SLC9A5: variants seen among roughly 807,000 people sequenced by gnomAD.
The protein encoded by SLC9A5 is solute carrier family 9 member A5.
SLC9A5 carries 52 observed loss-of-function variants against 91.7 expected under a neutral mutation model. That is an observed-to-expected ratio of 0.57 (90% CI 0.45 to 0.71). SLC9A5 has a LOEUF of 0.71. Among genes scored for constraint, SLC9A5 ranks in the 30% least tolerant of loss-of-function variants. The pLI, the probability that SLC9A5 is intolerant of heterozygous loss-of-function variation, is 0.00. For missense variants in SLC9A5, 871 were observed against 1,158.9 expected (o/e 0.75, Z 3.61); for synonymous variants, 419 against 474.5 (o/e 0.88, Z 1.52).
intron 12 of SLC9A5, among the ~76,000 whole-genome samples, chr16:67,260,368 A>AG (rs1247781652): frequency 6.6e-6 from 1 of 150,862 alleles, no homozygotes; most frequent in East Asian, 1.9e-4. Flanking sequence ...AAAAAAAAAA[A>AG]AAAAAAAAAG....
In SLC9A5 at chr16:67,255,396, CT is replaced by C; in HGVS notation, c.659del (p.Leu220ArgfsTer22). On this transcript the variant is annotated frameshift_variant, in exon 4 of 16. Transcript: ENST00000299798. LOFTEE classifies it high-confidence loss of function. This position sits in a 1 kb window ranked among gnomAD's most constrained non-coding sequence, Gnocchi z 4.9. Reference protein sequence around the residue: ...SLLNDAVTVVLYKVCNSFVEM... With the variant: ...SLLNDAVTVVXYKVCNSFVEM... ...TGACTCTCCTCTTCTCGCTCAGGTG[CT>C]GTACAAGGTCTGCAACTCCTTTGTG... 1 of 1,612,288 alleles carries C rather than the reference CT, an allele frequency of 6.2e-7. No homozygotes were observed. Among genetic ancestry groups the C allele is most frequent in the Non-Finnish European group, 8.5e-7 (1 of 1,178,520 alleles).
In SLC9A5 at chr16:67,256,805, A is replaced by T; in HGVS notation, c.1133-106A>T. On this transcript the variant is annotated intron_variant, in intron 6 of 15. Coordinates refer to ENST00000299798, the MANE Select transcript of SLC9A5 (RefSeq NM_004594.3). The surrounding 1 kb of genome is among the most constrained non-coding windows in gnomAD (Gnocchi z 4.1). ...ATTCCTAAGCCTCCTCTTGTTGCTC[A>T]CCTGTCCCAGCCCCTGTTAGACCTC... 1.5e-6 allele frequency: 2 copies of T among 1,365,194 alleles called. No homozygotes were observed. Among genetic ancestry groups the T allele is most frequent in the South Asian group, 2.4e-5 (2 of 82,834 alleles). The allele number at this position is 1,365,194 out of a possible 1,614,324, so 84.6% of individuals were successfully genotyped here. A position where few individuals can be genotyped will look rare whatever the true frequency, so the allele number is the denominator to read the frequency against.
chr16:67,252,670 A>C lies in SLC9A5; in HGVS notation c.316A>C (p.Thr106Pro). The C allele has an allele frequency of 6.2e-7, 1 of 1,614,206 alleles. No homozygotes were observed. The highest frequency in any genetic ancestry group is 8.5e-7 in the Non-Finnish European group (1 of 1,180,028). Residue 106 changes from threonine (T) to proline (P), a missense_variant, in exon 2 of 16, where the codon ACC becomes CCC. Physicochemically the swap from Thr to Pro is conservative, Grantham distance 38. This residue lies in a region of SLC9A5 where 454 missense variants were observed against 718.3 expected (regional missense o/e 0.63). Coordinates refer to ENST00000299798, the MANE Select transcript of SLC9A5 (RefSeq NM_004594.3). This position sits in a 1 kb window ranked among gnomAD's most constrained non-coding sequence, Gnocchi z 4.0. ...KKAEYQLEPGTFFLFLLPPIV... is the reference protein window; with the variant it reads ...KKAEYQLEPGPFFLFLLPPIV... ...AGCTGAGTACCAGCTGGAGCCAGGCACCTTCTTCCTCTTCCTGCTGCCTCC... is the reference window on the plus strand; with the variant it reads ...AGCTGAGTACCAGCTGGAGCCAGGCCCCTTCTTCCTCTTCCTGCTGCCTCC...
intron 1 of SLC9A5, among the ~76,000 whole-genome samples, chr16:67,249,911 T>G (rs2035047463): frequency 6.6e-6 from 1 of 152,226 alleles, no homozygotes; most frequent in Non-Finnish European, 1.5e-5. Context: ...CAGACTTCTT[T>G]TTCCCTGAAT....
At position 67,256,681 on chromosome 16, in the gene SLC9A5, G is replaced by A. The variant is rs2035330907; in HGVS notation, c.1124G>A (p.Arg375Gln). 1.2e-6 allele frequency: 2 copies of A among 1,612,038 alleles called. No homozygotes were observed. Among genetic ancestry groups the A allele is most frequent in the Non-Finnish European group, 1.7e-6 (2 of 1,179,446 alleles). Residue 375 changes from arginine (R) to glutamine (Q), a missense_variant, in exon 6 of 16, where the codon CGA becomes CAA. Around this residue, in one of 3 missense-constraint regions of SLC9A5, gnomAD observed 454 missense variants for 718.3 expected, o/e 0.63. Transcript: ENST00000299798. The surrounding 1 kb of genome is among the most constrained non-coding windows in gnomAD (Gnocchi z 4.1). ...LGTLIFILFF[R>Q]ALGVVLQTWV... ...ACCCTCATCTTCATCCTGTTCTTCCGAGCCCTCGGTATTGCTGGCACCCTC... is the reference window on the plus strand; with the variant it reads ...ACCCTCATCTTCATCCTGTTCTTCCAAGCCCTCGGTATTGCTGGCACCCTC...
intron 1 of SLC9A5, among the ~76,000 whole-genome samples, chr16:67,250,632 C>T (rs2035079686): frequency 6.6e-6 from 1 of 152,158 alleles, no homozygotes; most frequent in African/African-American, 2.4e-5. Context: ...CAAAGAAAAT[C>T]CTCGAACAAG....
chr16:67,266,759 T>C (rs1363176460), intron 15 of SLC9A5, among the ~76,000 whole-genome samples: 1 of 152,008 alleles, frequency 6.6e-6, no homozygotes, highest in Admixed American at 6.6e-5. Context: ...CAGGCTGGTC[T>C]TGAACTCCTG....
At position 67,256,520 on chromosome 16, in the gene SLC9A5, C is replaced by T; in HGVS notation, c.963C>T (p.Ser321=). 1 of 1,613,768 alleles carries T rather than the reference C, an allele frequency of 6.2e-7. No individual in the cohort carries two copies. The part of the protein sequence containing the change: ...GCKKYVEANI[S]HKSRTTVKYT... ...AGAAGTACGTGGAGGCCAACATCTC[C>T]CATAAGTCACGCACAACTGTCAAAT... The change falls in exon 6 of 16, where the codon TCC becomes TCT. Residue 321 remains serine (S), a synonymous_variant. Transcript: ENST00000299798. This position sits in a 1 kb window ranked among gnomAD's most constrained non-coding sequence, Gnocchi z 4.1.
At position 67,255,303 on chromosome 16, in the gene SLC9A5, G is replaced by A; in HGVS notation, c.655-90G>A. 2 of 1,525,398 alleles carry A rather than the reference G, an allele frequency of 1.3e-6. No individual in the cohort carries two copies. The highest frequency in any genetic ancestry group is 1.2e-5 in the South Asian group (1 of 84,760). 94.5% of individuals were successfully genotyped at this position (1,525,398 alleles called of 1,614,324 possible). On this transcript the variant is annotated intron_variant, in intron 3 of 15. Coordinates refer to ENST00000299798, the MANE Select transcript of SLC9A5 (RefSeq NM_004594.3). This position sits in a 1 kb window ranked among gnomAD's most constrained non-coding sequence, Gnocchi z 4.9. ...CCCCTGGGGCAGAAATATGCTGTCT[G>A]CTTTCACCCTGCTCTCCCAGCAGTC...
At chr16:67,262,548 G>T (rs2035565818) in intron 12 of SLC9A5, 1 of 298,744 alleles carries the variant, frequency 3.3e-6, no homozygotes, top group Non-Finnish European at 6.7e-6. Flanking sequence ...TCTGTAGTCT[G>T]GAGTGGGACT....
In SLC9A5 at chr16:67,249,162, G is replaced by A; in HGVS notation, c.148G>A (p.Val50Met). The A allele has an allele frequency of 6.4e-7, 1 of 1,565,056 alleles. No homozygotes were observed. The highest frequency in any genetic ancestry group is 8.6e-7 in the Non-Finnish European group (1 of 1,161,490). The change falls in exon 1 of 16, where the codon GTG (valine) becomes ATG (methionine). Residue 50 changes from valine to methionine, a missense_variant. Coordinates refer to ENST00000299798, the MANE Select transcript of SLC9A5 (RefSeq NM_004594.3). Reference sequence around the variant, plus strand: ...GCACGAGGTGGAGGCGCCCTACCTGGTGGCCCTGTGGATCCTGGTGGCCAG... The same window carrying A: ...GCACGAGGTGGAGGCGCCCTACCTGATGGCCCTGTGGATCCTGGTGGCCAG... ...QWHEVEAPYL[V>M]ALWILVASLA...
Position 67,252,337 on chromosome 16 carries a change from G to C in SLC9A5, c.188-205G>C, listed in dbSNP as rs1301273636. The stretch of plus-strand genomic sequence containing the variant: ...ATGGTGGCGCGTGTCTGTAGTCCCC[G>C]TACTCAGGAGGCTGAGGCAGGAGAA... On this transcript the variant is annotated intron_variant, in intron 1 of 15. Coordinates refer to ENST00000299798, the MANE Select transcript of SLC9A5 (RefSeq NM_004594.3). The surrounding 1 kb of genome is among the most constrained non-coding windows in gnomAD (Gnocchi z 4.0). Among the ~76,000 whole-genome samples, 1 of 151,860 alleles carries C rather than the reference G, an allele frequency of 6.6e-6. No individual in the cohort carries two copies. The highest frequency in any genetic ancestry group is 1.5e-5 in the Non-Finnish European group (1 of 67,970).
rs1364439097 is a variant in SLC9A5 at position 67,266,139 on chromosome 16, G to A, written c.2132G>A (p.Ser711Asn). The A allele has an allele frequency of 1.9e-6, 3 of 1,611,774 alleles. No homozygotes were observed. The highest frequency in any genetic ancestry group is 1.1e-5 in the South Asian group (1 of 90,624). ...ESEEEEEESD[S>N]SETEKEDDEG... ...GAGGAGGAGGAGGAGGAGAGCGACA[G>A]TTCAGAGACAGAGAAGGAGGACGAT... The change falls in exon 15 of 16, where the codon AGT (serine) becomes AAT (asparagine). Residue 711 changes from serine to asparagine, a missense_variant. This residue lies in a region of SLC9A5 where 295 missense variants were observed against 326.0 expected (regional missense o/e 0.90). Transcript: ENST00000299798.
At chr16:67,264,289 C>T (rs2035625517) in intron 12 of SLC9A5, 63 bp from the exon 13 acceptor site, 1 of 1,480,498 alleles carries the variant, frequency 6.8e-7, no homozygotes, top group Non-Finnish European at 9.4e-7. Context: ...GGGCTGTGGC[C>T]TGGGGTTCTT....
rs1294421919 is a variant in SLC9A5 at position 67,272,028 on chromosome 16, A to G, written c.*818A>G. 6.6e-6 allele frequency: 1 copy of G among 152,230 alleles called. No homozygotes were observed. Among genetic ancestry groups the G allele is most frequent in the Admixed American group, 6.5e-5 (1 of 15,278 alleles). 9.4% of individuals were successfully genotyped at this position (152,230 alleles called of 1,614,324 possible). On this transcript the variant is annotated 3_prime_UTR_variant, in exon 16 of 16. Transcript: ENST00000299798. ...GTCACCACCTGAACATTCCCCAAAC[A>G]GAGAAGGAACCCAGCATCTCAGGGC... is the stretch of plus-strand genomic sequence containing the variant.
Position 67,252,667 on chromosome 16 carries a change from G to A in SLC9A5, c.313G>A (p.Gly105Ser), listed in dbSNP as rs2035173441. ...AKKAEYQLEP[G>S]TFFLFLLPPI... ...GAAAGCTGAGTACCAGCTGGAGCCA[G>A]GCACCTTCTTCCTCTTCCTGCTGCC... The change falls in exon 2 of 16, where the codon GGC (glycine) becomes AGC (serine). Residue 105 changes from glycine (G) to serine (S), a missense_variant. Around this residue, in one of 3 missense-constraint regions of SLC9A5, gnomAD observed 454 missense variants for 718.3 expected, o/e 0.63. Coordinates refer to ENST00000299798, the MANE Select transcript of SLC9A5 (RefSeq NM_004594.3). The surrounding 1 kb of genome is among the most constrained non-coding windows in gnomAD (Gnocchi z 4.0). The A allele has an allele frequency of 6.2e-7, 1 of 1,614,080 alleles. No individual in the cohort carries two copies. Among genetic ancestry groups the A allele is most frequent in the Non-Finnish European group, 8.5e-7 (1 of 1,180,048 alleles).
intron 12 of SLC9A5, chr16:67,262,926 C>G (rs976749698): frequency 6.6e-6 from 1 of 152,504 alleles, no homozygotes; most frequent in Non-Finnish European, 1.5e-5. Context: ...CCTGGAGTTG[C>G]ATTTCTGGTT....
At position 67,271,552 on chromosome 16, in the gene SLC9A5, G is replaced by A; in HGVS notation, c.*342G>A. On this transcript the variant is annotated 3_prime_UTR_variant, in exon 16 of 16. Transcript: ENST00000299798. ...GGGGACTCTATAGGCAGCTGCTCCTGCCCGCAAAGCAAGAGCATCATTCCT... is the reference window on the plus strand; with the variant it reads ...GGGGACTCTATAGGCAGCTGCTCCTACCCGCAAAGCAAGAGCATCATTCCT... 3.4e-6 allele frequency: 1 copy of A among 294,660 alleles called. No homozygotes were observed. The highest frequency in any genetic ancestry group is 6.5e-6 in the Non-Finnish European group (1 of 154,602). 18.3% of individuals were successfully genotyped at this position (294,660 alleles called of 1,614,324 possible).
At position 67,264,476 on chromosome 16, in the gene SLC9A5, G is replaced by C. The variant is rs1246238686; in HGVS notation, c.1967G>C (p.Cys656Ser). 33 of 1,614,184 alleles carry C rather than the reference G, an allele frequency of 2.0e-5. No individual in the cohort carries two copies. Among genetic ancestry groups the C allele is most frequent in the Non-Finnish European group, 2.7e-5 (32 of 1,180,018 alleles). ...ESFKSTKHNICFTKSKPRPRK... is the reference protein window; with the variant it reads ...ESFKSTKHNISFTKSKPRPRK... Reference sequence around the variant, plus strand: ...TTTAAGTCCACCAAGCACAACATCTGCTTCACCAAGAGCAAGCCACGACCC... The same window carrying C: ...TTTAAGTCCACCAAGCACAACATCTCCTTCACCAAGAGCAAGCCACGACCC... Residue 656 changes from cysteine (C) to serine (S), a missense_variant, in exon 13 of 16, where the codon TGC becomes TCC. Coordinates refer to ENST00000299798, the MANE Select transcript of SLC9A5 (RefSeq NM_004594.3).
Sources: allele counts gnomAD v4.1 joint callset (sites outside exome capture counted in the v4.1 genomes callset), GRCh38; gene constraint gnomAD v4.1.1; regional missense constraint gnomAD v4.1.1; non-coding constraint Gnocchi (gnomAD v3.1); transcripts MANE v1.5; gene names NCBI Gene and HGNC (gene_info 2026-07-23, HGNC 2026-07-21).